NTRK2: variants seen among roughly 807,000 people sequenced by gnomAD.
NTRK2 encodes the protein neurotrophic receptor tyrosine kinase 2, also known as BDNF/NT-3 growth factors receptor.
In NTRK2, 13 loss-of-function variants were observed where a neutral mutation model predicts 94.5. The observed-to-expected ratio is 0.14, with a 90% CI of 0.09 to 0.22. The LOEUF (loss-of-function observed/expected upper bound fraction) is 0.22, where lower values mean the gene tolerates loss of function less well. NTRK2 is among the 10% of genes least tolerant of loss of function. The pLI, the probability that NTRK2 is intolerant of heterozygous loss-of-function variation, is 1.00. For missense variants in NTRK2, 639 were observed against 1,071.2 expected (o/e 0.60, Z 5.63); for synonymous variants, 372 against 407.4 (o/e 0.91, Z 1.05).
rs1164011308 is a variant in NTRK2, at chr9:84,882,728, G to GCGCGCGCGCGCA, written c.1633+15302_1633+15303insGCGCGCACGCGC. Among the ~76,000 whole-genome samples the GCGCGCGCGCGCA allele has an allele frequency of 5.9e-5, 9 of 151,706 alleles. No homozygotes were observed. In the East Asian group the frequency reaches 1.5e-3, roughly 26 times the overall value. ...TGTGTGTGTGTGTGTGTGCGCGCGC[G>GCGCGCGCGCGCA]CGCGCATGTGTGCATTATAATAACT... On this transcript the variant is annotated intron_variant, in intron 14 of 18. Coordinates refer to ENST00000277120, the MANE Select transcript of NTRK2 (RefSeq NM_006180.6).
intron 14 of NTRK2, chr9:84,876,022 A>G (rs1411129582): frequency 9.7e-7 from 1 of 1,026,232 alleles, no homozygotes. Context: ...TAGTTTCTAT[A>G]TATTATTTTT....
intron 12 of NTRK2, among the ~76,000 whole-genome samples, chr9:84,779,509 G>T (rs2067360324): frequency 6.6e-6 from 1 of 152,184 alleles, no homozygotes; most frequent in African/African-American, 2.4e-5. Flanking sequence ...GCTTTGTATT[G>T]TCTGTCCCAA....
chr9:84,928,002 G>T (rs2077884105), intron 14 of NTRK2, among the ~76,000 whole-genome samples: 1 of 152,192 alleles, frequency 6.6e-6, no homozygotes, highest in African/African-American at 2.4e-5. Flanking sequence ...TGATGATAAT[G>T]CACATTGGGA....
intron 14 of NTRK2, chr9:84,872,344 A>G: frequency 9.1e-7 from 1 of 1,101,968 alleles, no homozygotes; most frequent in Non-Finnish European, 1.1e-6. Flanking sequence ...TCCCCAAATC[A>G]TCAATCTTGG....
rs1832682607 is a variant in NTRK2 at position 85,020,435 on chromosome 9, G to A, written c.2331+71G>A. On this transcript the variant is annotated intron_variant, in intron 18 of 18. Transcript: ENST00000277120. ...AGAGGCATCCATTGGCTGGGGCCTT[G>A]TTTTGGGTTGGAAGACCATGTCAGG... is the stretch of plus-strand genomic sequence containing the variant. 2.6e-6 allele frequency: 4 copies of A among 1,552,428 alleles called. No homozygotes were observed. The East Asian group carries it at 9.0e-5, about 35-fold the overall frequency.
chr9:84,699,666 T>G (rs1023961300), intron 2 of NTRK2, among the ~76,000 whole-genome samples: 16 of 151,864 alleles, frequency 1.1e-4, no homozygotes, highest in African/African-American at 3.6e-4. Context: ...TGTGTGTGTT[T>G]TTTTTTTTTT....
intron 12 of NTRK2, among the ~76,000 whole-genome samples, chr9:84,850,192 G>T (rs576895980): frequency 2.1e-4 from 32 of 151,766 alleles, no homozygotes; most frequent in Non-Finnish European, 3.7e-4. Context: ...AAGCATGGGG[G>T]TTACATGTCT....
At chr9:84,692,240 G>GA (rs1308216196) in intron 2 of NTRK2, among the ~76,000 whole-genome samples, 4 of 152,004 alleles carry the variant, frequency 2.6e-5, no homozygotes, top group Admixed American at 2.6e-4. Flanking sequence ...AAAATTGTCA[G>GA]AAAAAAACCC....
chr9:84,762,463 C>A (rs1171754990), intron 12 of NTRK2, among the ~76,000 whole-genome samples: 1 of 152,146 alleles, frequency 6.6e-6, no homozygotes, highest in African/African-American at 2.4e-5. Flanking sequence ...GACATAATTT[C>A]TGTGTTATTT....
chr9:84,677,817 A>G (rs965239502), intron 2 of NTRK2, among the ~76,000 whole-genome samples: 1 of 151,954 alleles, frequency 6.6e-6, no homozygotes, highest in African/African-American at 2.4e-5. Flanking sequence ...TGTCTTCCCC[A>G]CCCCTATCCT....
intron 10 of NTRK2, among the ~76,000 whole-genome samples, chr9:84,744,074 A>C (rs560621151): frequency 5.1e-4 from 77 of 152,356 alleles, no homozygotes; most frequent in African/African-American, 1.8e-3. Flanking sequence ...AATTGAAGGC[A>C]GTGTACCTAT....
chr9:84,900,005 T>A (rs1325135401), intron 14 of NTRK2, among the ~76,000 whole-genome samples: 1 of 152,142 alleles, frequency 6.6e-6, no homozygotes, highest in East Asian at 1.9e-4. Context: ...CAGGGTGGTG[T>A]AAAGGAAGCA....
chr9:84,876,586 A>G lies in NTRK2; in HGVS notation c.1633+9155A>G, dbSNP rs200660319. On this transcript the variant is annotated intron_variant, in intron 14 of 18. Coordinates refer to ENST00000277120, the MANE Select transcript of NTRK2 (RefSeq NM_006180.6). The stretch of plus-strand genomic sequence containing the variant: ...AGCCAGATGGACTAACTGGTCTCAC[A>G]TTTTCTCTATCTTGGTTTTACTTCC... 1.0e-3 allele frequency: 1,077 copies of G among 1,057,096 alleles called. 4 individuals are homozygous for G. The highest frequency in any genetic ancestry group is 1.2e-3 in the Non-Finnish European group (1,019 of 874,284). 65.5% of individuals were successfully genotyped at this position (1,057,096 alleles called of 1,614,324 possible). A position where few individuals can be genotyped will look rare whatever the true frequency, so the allele number is the denominator to read the frequency against.
chr9:84,895,051 G>C (rs2076719620), intron 14 of NTRK2, among the ~76,000 whole-genome samples: 1 of 152,118 alleles, frequency 6.6e-6, no homozygotes, highest in Non-Finnish European at 1.5e-5. Flanking sequence ...CCATATTCAG[G>C]ACAAAGAGAA....
intron 14 of NTRK2, among the ~76,000 whole-genome samples, chr9:84,916,378 G>T (rs2077393646): frequency 1.3e-5 from 2 of 152,130 alleles, no homozygotes; most frequent in Non-Finnish European, 2.9e-5. Context: ...AAAGGGATAG[G>T]CAGGGTGGTT....
At chr9:84,920,608 A>G (rs2077534393) in intron 14 of NTRK2, among the ~76,000 whole-genome samples, 1 of 152,186 alleles carries the variant, frequency 6.6e-6, no homozygotes, top group Non-Finnish European at 1.5e-5. Context: ...GCATGTTCTG[A>G]GGTGAGAATT....
intron 17 of NTRK2, among the ~76,000 whole-genome samples, chr9:84,963,540 T>C (rs1315535641): frequency 2.6e-5 from 4 of 152,240 alleles, no homozygotes; most frequent in African/African-American, 7.2e-5. Context: ...TCTTTATTAC[T>C]GGTCTTGGGC....
rs116266031 is a variant in NTRK2, at chr9:84,847,817, G to C, written c.1397-13223G>C. On this transcript the variant is annotated intron_variant, in intron 12 of 18. Coordinates refer to ENST00000277120, the MANE Select transcript of NTRK2 (RefSeq NM_006180.6). The stretch of plus-strand genomic sequence containing the variant: ...GAAAATCATTACCAGTTGAGGAGGA[G>C]GAGGAGGAGGTGGATACTGGTTGGC... 4.5e-3 allele frequency among the ~76,000 whole-genome samples: 691 copies of C among 152,294 alleles called. 3 individuals carry two copies. Among genetic ancestry groups the C allele is most frequent in the African/African-American group, 0.016 (660 of 41,554 alleles).
intron 13 of NTRK2, among the ~76,000 whole-genome samples, chr9:84,866,233 G>A (rs367841900): frequency 6.6e-6 from 1 of 152,278 alleles, no homozygotes; most frequent in Non-Finnish European, 1.5e-5. Context: ...GTAGTCATAG[G>A]ACAGTCAAAT....
Sources: gnomAD v4.1 joint callset for allele counts (sites outside exome capture counted in the v4.1 genomes callset) on GRCh38, gnomAD v4.1.1 for gene constraint, MANE v1.5 for transcripts, NCBI Gene and HGNC (gene_info 2026-07-23, HGNC 2026-07-21) for gene names.